Variants in TMEM135 observed in about 807,000 individuals in gnomAD.
The protein encoded by TMEM135 is transmembrane protein 135, also known as peroxisomal membrane protein 52.
A neutral mutation model predicts 60.3 loss-of-function variants in TMEM135; 30 were observed. The ratio of observed to expected loss-of-function variants is 0.50; its 90% CI spans 0.37 to 0.68. The LOEUF (loss-of-function observed/expected upper bound fraction) is 0.68. Ranked by LOEUF, TMEM135 falls within the 30% of genes least tolerant of loss-of-function variation. TMEM135 has a pLI of 0.00. For synonymous variants in TMEM135, 190 were observed against 186.7 expected (o/e 1.02, Z -0.14); for missense variants, 468 against 548.8 (o/e 0.85, Z 1.47).
At chr11:87,140,897 T>C (rs1175248259) in intron 4 of TMEM135, among the ~76,000 whole-genome samples, 2 of 152,220 alleles carry the variant, frequency 1.3e-5, no homozygotes, top group African/African-American at 4.8e-5. Context: ...TGATTCTCCA[T>C]TGAATTATAT....
At chr11:87,044,159 A>T (rs1159825053) in intron 1 of TMEM135, among the ~76,000 whole-genome samples, 2 of 152,222 alleles carry the variant, frequency 1.3e-5, no homozygotes, top group East Asian at 3.9e-4. Context: ...ATTACTAAGG[A>T]TCAGTTAATC....
chr11:87,220,949 A>C (rs868481407), intron 5 of TMEM135, among the ~76,000 whole-genome samples: 1 of 152,292 alleles, frequency 6.6e-6, no homozygotes, highest in Middle Eastern at 3.4e-3. Context: ...ATTAATGCGG[A>C]TGTATTCACA....
chr11:87,198,438 G>A (rs549161363), intron 5 of TMEM135, among the ~76,000 whole-genome samples: 1 of 152,158 alleles, frequency 6.6e-6, no homozygotes, highest in African/African-American at 2.4e-5. Flanking sequence ...AAGTTAATAA[G>A]GGTACTTCCT....
intron 6 of TMEM135, among the ~76,000 whole-genome samples, chr11:87,294,477 G>A (rs117583075): frequency 0.028 from 4,202 of 152,198 alleles, 70 homozygotes; most frequent in Admixed American, 0.042. Flanking sequence ...TCCGCCCCCC[G>A]GGTTCAAGCG....
At chr11:87,143,339 T>G (rs1938317809) in intron 4 of TMEM135, among the ~76,000 whole-genome samples, 1 of 151,140 alleles carries the variant, frequency 6.6e-6, no homozygotes, top group Non-Finnish European at 1.5e-5. Context: ...GATTCAGTCT[T>G]CATTGACTTC....
intron 1 of TMEM135, among the ~76,000 whole-genome samples, chr11:87,061,032 C>T (rs1949941754): frequency 6.6e-6 from 1 of 152,002 alleles, no homozygotes; most frequent in Non-Finnish European, 1.5e-5. Flanking sequence ...ATCTAAAGAG[C>T]ATCTAAACAA....
chr11:87,194,167 A>G (rs1180022218), intron 5 of TMEM135, among the ~76,000 whole-genome samples: 2 of 152,194 alleles, frequency 1.3e-5, no homozygotes, highest in Non-Finnish European at 2.9e-5. Context: ...TCCACACAAA[A>G]GACAACATAT....
chr11:87,265,270 AAT>A (rs570247974), intron 6 of TMEM135, among the ~76,000 whole-genome samples: 134 of 152,070 alleles, frequency 8.8e-4, no homozygotes, highest in African/African-American at 3.1e-3. Context: ...ACACTCTGAT[AAT>A]ATGTCTTTGT....
At chr11:87,152,023 G>A (rs188799254) in intron 4 of TMEM135, among the ~76,000 whole-genome samples, 1 of 152,232 alleles carries the variant, frequency 6.6e-6, no homozygotes, top group East Asian at 1.9e-4. Context: ...TTTTTAGACT[G>A]CTTTGCAGCC....
chr11:87,064,951 CTT>C (rs112869970), intron 1 of TMEM135, among the ~76,000 whole-genome samples: 7,143 of 149,636 alleles, frequency 0.048, 240 homozygotes, highest in South Asian at 0.09. Context: ...TTAGGATTAG[CTT>C]TTTTTTTTTC....
At position 87,105,796 on chromosome 11, in the gene TMEM135, CTTTTCTTTTAGCTATT is replaced by C. The variant is rs1857580475; in HGVS notation, c.396+14404_396+14419del. ...CTGTAGTGTTGGGAACATTTTAAAT[CTTTTCTTTTAGCTATT>C]TTGAAATATACTGTTGTCAACTATA... On this transcript the variant is annotated intron_variant, in intron 4 of 14. Coordinates refer to ENST00000305494, the MANE Select transcript of TMEM135 (RefSeq NM_022918.4). 2.6e-5 allele frequency among the ~76,000 whole-genome samples: 4 copies of C among 152,122 alleles called. No homozygotes were observed. The South Asian group carries it at 8.3e-4, about 32-fold the overall frequency.
intron 1 of TMEM135, among the ~76,000 whole-genome samples, chr11:87,060,381 A>G: frequency 6.6e-6 from 1 of 152,038 alleles, no homozygotes; most frequent in Non-Finnish European, 1.5e-5. Flanking sequence ...GAGTCAGGTT[A>G]TTTTTATATC....
rs532722834 is a variant in TMEM135, at chr11:87,153,206, C to T, written c.397-4135C>T. ...TAGAAAAATAAAAGCACATATTGAA[C>T]AGAGGAACATGCACCCTATTCTTGT... is the stretch of plus-strand genomic sequence containing the variant. On this transcript the variant is annotated intron_variant, in intron 4 of 14. Coordinates refer to ENST00000305494, the MANE Select transcript of TMEM135 (RefSeq NM_022918.4). Among the ~76,000 whole-genome samples, 7 of 152,224 alleles carry T rather than the reference C, an allele frequency of 4.6e-5. No individual in the cohort carries two copies. The Middle Eastern group carries it at 0.024, about 518-fold the overall frequency.
chr11:87,059,220 G>A (rs547932913), intron 1 of TMEM135, among the ~76,000 whole-genome samples: 13 of 151,360 alleles, frequency 8.6e-5, no homozygotes, highest in African/African-American at 2.2e-4. Context: ...CAGCCACCGC[G>A]CCCAGCCGAA....
At chr11:87,220,979 A>C (rs1396782388) in intron 5 of TMEM135, among the ~76,000 whole-genome samples, 1 of 152,192 alleles carries the variant, frequency 6.6e-6, no homozygotes, top group African/African-American at 2.4e-5. Context: ...AGGAGAAGTA[A>C]GCTAAACCTC....
At chr11:87,289,499 A>AGTGCAGTG (rs753410461) in intron 6 of TMEM135, among the ~76,000 whole-genome samples, 34 of 123,746 alleles carry the variant, frequency 2.7e-4, no homozygotes, top group African/African-American at 3.9e-4. Flanking sequence ...CCCAGGCTGG[A>AGTGCAGTG]GTGCAGTGGT....
intron 14 of TMEM135, among the ~76,000 whole-genome samples, chr11:87,319,689 TC>T (rs941403167): frequency 1.3e-5 from 2 of 151,774 alleles, no homozygotes; most frequent in Non-Finnish European, 2.9e-5. Context: ...TTAAACAGAT[TC>T]ATTAAAGATC....
At chr11:87,265,401 C>T (rs1941728163) in intron 6 of TMEM135, among the ~76,000 whole-genome samples, 1 of 151,934 alleles carries the variant, frequency 6.6e-6, no homozygotes, top group South Asian at 2.1e-4. Flanking sequence ...TGAAAGAGAA[C>T]AATTCTTTGG....
Position 87,326,772 on chromosome 11 carries a change from T to C in TMEM135, c.*5439T>C, listed in dbSNP as rs1475485000. On this transcript the variant is annotated 3_prime_UTR_variant, in exon 15 of 15. Coordinates refer to ENST00000305494, the MANE Select transcript of TMEM135 (RefSeq NM_022918.4). Reference sequence around the variant, plus strand: ...ATATCTGCAAAGCTTCAGGAAGAAATTCAGTTGCATCTGAATCTGAGTCGG... The same window carrying C: ...ATATCTGCAAAGCTTCAGGAAGAAACTCAGTTGCATCTGAATCTGAGTCGG... The C allele has an allele frequency of 4.5e-6, 2 of 446,072 alleles. No individual in the cohort carries two copies. Among genetic ancestry groups the C allele is most frequent in the Non-Finnish European group, 8.9e-6 (2 of 224,760 alleles). The allele number at this position is 446,072 out of a possible 1,614,324, so 27.6% of individuals were successfully genotyped here.
Sources: allele counts gnomAD v4.1 joint callset (sites outside exome capture counted in the v4.1 genomes callset), GRCh38; gene constraint gnomAD v4.1.1; transcripts MANE v1.5; gene names NCBI Gene and HGNC (gene_info 2026-07-23, HGNC 2026-07-21).